Variants in ARID4B observed in about 807,000 individuals in gnomAD.
ARID4B encodes the protein AT-rich interaction domain 4B, also known as AT-rich interactive domain-containing protein 4B.
A neutral mutation model predicts 147.5 loss-of-function variants in ARID4B; 26 were observed. The ratio of observed to expected loss-of-function variants is 0.18; its 90% CI spans 0.13 to 0.24. The LOEUF is 0.24. Ranked by LOEUF, ARID4B falls within the 10% of genes least tolerant of loss-of-function variation. ARID4B has a pLI of 1.00. For missense variants in ARID4B, 1,179 were observed against 1,511.5 expected (o/e 0.78, Z 3.65); for synonymous variants, 512 against 507.9 (o/e 1.01, Z -0.11).
chr1:235,236,296 T>A (rs1307754796), intron 8 of ARID4B, among the ~76,000 whole-genome samples: 2 of 152,068 alleles, frequency 1.3e-5, no homozygotes, highest in East Asian at 3.9e-4. Context: ...CATCAATAAT[T>A]CTAAGAATTT....
At chr1:235,169,659 C>CA (rs1490659843) in intron 23 of ARID4B, among the ~76,000 whole-genome samples, 2 of 143,676 alleles carry the variant, frequency 1.4e-5, no homozygotes, top group African/African-American at 5.1e-5. Flanking sequence ...CCTCAGCCTC[C>CA]TTTTTTTTTT....
In ARID4B at chr1:235,182,346, C is replaced by T; in HGVS notation, c.2573G>A (p.Ser858Asn). ...NKESLCMENS[S>N]NSSSDEDEEE... ...TTCATCTTCATCTGAAGAGCTGTTGCTACTGTTTTCCATGCAAAGTGATTC... is the reference window on the plus strand; with the variant it reads ...TTCATCTTCATCTGAAGAGCTGTTGTTACTGTTTTCCATGCAAAGTGATTC... Residue 858 changes from serine (S) to asparagine (N), a missense_variant, in exon 20 of 24, where the codon AGC becomes AAC. Physicochemically the swap from Ser to Asn is conservative, Grantham distance 46. Coordinates refer to ENST00000264183, the MANE Select transcript of ARID4B (RefSeq NM_016374.6). 1.2e-6 allele frequency: 2 copies of T among 1,613,070 alleles called. No individual in the cohort carries two copies. The highest frequency in any genetic ancestry group is 1.7e-6 in the Non-Finnish European group (2 of 1,179,828).
intron 2 of ARID4B, among the ~76,000 whole-genome samples, chr1:235,307,442 C>A (rs959410126): frequency 6.6e-6 from 1 of 151,842 alleles, no homozygotes; most frequent in Non-Finnish European, 1.5e-5. Context: ...TAGGCCCTGT[C>A]TCTTTACAAA....
intron 2 of ARID4B, among the ~76,000 whole-genome samples, chr1:235,304,432 A>G (rs61395155): frequency 0.04 from 6,017 of 152,310 alleles, 447 homozygotes; most frequent in African/African-American, 0.14. Context: ...TGTGTGATTT[A>G]AAAGTGCAAT....
At chr1:235,278,900 A>G (rs568449196) in intron 2 of ARID4B, among the ~76,000 whole-genome samples, 1 of 152,312 alleles carries the variant, frequency 6.6e-6, no homozygotes, top group South Asian at 2.1e-4. Context: ...TGCTCCCAGG[A>G]CCAACACCAT....
intron 18 of ARID4B, among the ~76,000 whole-genome samples, chr1:235,195,391 G>A (rs1262117688): frequency 1.3e-5 from 2 of 151,942 alleles, no homozygotes; most frequent in Non-Finnish European, 1.5e-5. Flanking sequence ...TCAGAAGTTC[G>A]AGACCAGCCT....
At chr1:235,278,422 A>G (rs952043970) in intron 2 of ARID4B, among the ~76,000 whole-genome samples, 3 of 152,044 alleles carry the variant, frequency 2.0e-5, no homozygotes, top group African/African-American at 4.8e-5. Context: ...CCCTCCTATA[A>G]GCATTCCCAG....
chr1:235,312,937 C>T (rs1004106692), intron 2 of ARID4B, among the ~76,000 whole-genome samples: 2 of 152,148 alleles, frequency 1.3e-5, no homozygotes, highest in Non-Finnish European at 2.9e-5. Context: ...TGCACCACTG[C>T]ACTCCAGCCT....
chr1:235,280,648 G>A (rs1167588335), intron 2 of ARID4B, among the ~76,000 whole-genome samples: 2 of 152,366 alleles, frequency 1.3e-5, no homozygotes, highest in East Asian at 1.9e-4. Flanking sequence ...ACAGCCAGGG[G>A]CCCCTCCTTG....
chr1:235,302,929 T>TTTTTC (rs2103252732), intron 2 of ARID4B, among the ~76,000 whole-genome samples: 1 of 115,804 alleles, frequency 8.6e-6, no homozygotes, highest in South Asian at 3.5e-4. Context: ...ATATTCTTCT[T>TTTTTC]TTTTTCTTTT....
At chr1:235,253,286 C>T (rs1669755597) in intron 5 of ARID4B, among the ~76,000 whole-genome samples, 2 of 152,168 alleles carry the variant, frequency 1.3e-5, no homozygotes, top group Non-Finnish European at 1.5e-5. Context: ...TGACATACTG[C>T]ACCAGAAAAT....
intron 2 of ARID4B, among the ~76,000 whole-genome samples, chr1:235,296,850 G>A (rs371973988): frequency 1.4e-3 from 183 of 127,632 alleles, no homozygotes; most frequent in Middle Eastern, 3.8e-3. Flanking sequence ...AGGAAGGAGG[G>A]AGGGAAGGAA....
chr1:235,234,323 G>T, intron 9 of ARID4B, 90 bp downstream of exon 9: 1 of 833,766 alleles, frequency 1.2e-6, no homozygotes, highest in South Asian at 1.5e-5. Flanking sequence ...AAGGTAATTG[G>T]AAATAACTAA....
chr1:235,244,705 A>T (rs1412352569), intron 7 of ARID4B, among the ~76,000 whole-genome samples: 3 of 152,228 alleles, frequency 2.0e-5, no homozygotes, highest in Admixed American at 2.0e-4. Context: ...TGGGAATCCT[A>T]AGAAGAGATA....
At chr1:235,316,750 C>T (rs184657558) in intron 2 of ARID4B, among the ~76,000 whole-genome samples, 19,929 of 151,656 alleles carry the variant, frequency 0.13, 1,512 homozygotes, top group African/African-American at 0.2. Flanking sequence ...ATCCGGGAGC[C>T]GAGTGTTGCA....
chr1:235,255,267 A>AGATAGATCTATCTATCTATC (rs1553304359), intron 5 of ARID4B, among the ~76,000 whole-genome samples: 210 of 137,238 alleles, frequency 1.5e-3, no homozygotes, highest in Non-Finnish European at 2.4e-3. Context: ...AGATAGATAT[A>AGATAGATCTATCTATCTATC]TATCTCTCTC....
At chr1:235,203,522 T>A (rs868508124) in intron 17 of ARID4B, among the ~76,000 whole-genome samples, 1 of 152,178 alleles carries the variant, frequency 6.6e-6, no homozygotes, top group African/African-American at 2.4e-5. Context: ...CTTTGAAATA[T>A]GTATAGATAA....
rs963989940 is a variant in ARID4B at position 235,281,477 on chromosome 1, A to G, written c.7-20725T>C. Among the ~76,000 whole-genome samples, 5 of 79,336 alleles carry G rather than the reference A, an allele frequency of 6.3e-5. No individual in the cohort carries two copies. The Admixed American group carries it at 8.3e-4, about 13-fold the overall frequency. 52.0% of individuals were successfully genotyped at this position (79,336 alleles called of 152,430 possible). ...GAGGCACAAGAATCGATTGAACCCA[A>G]GAGGCAGAGGTTGCAGTGAGCCAAG... On this transcript the variant is annotated intron_variant, in intron 2 of 23. Coordinates refer to ENST00000264183, the MANE Select transcript of ARID4B (RefSeq NM_016374.6).
At chr1:235,311,067 C>T (rs1674014084) in intron 2 of ARID4B, among the ~76,000 whole-genome samples, 1 of 152,160 alleles carries the variant, frequency 6.6e-6, no homozygotes, top group Non-Finnish European at 1.5e-5. Context: ...TGCTCCCTCA[C>T]TAATCCTCAT....
Sources: gnomAD v4.1 joint callset for allele counts (sites outside exome capture counted in the v4.1 genomes callset) on GRCh38, gnomAD v4.1.1 for gene constraint, MANE v1.5 for transcripts, NCBI Gene and HGNC (gene_info 2026-07-23, HGNC 2026-07-21) for gene names.